STX2: variants seen among roughly 807,000 people sequenced by gnomAD.
STX2 encodes the protein syntaxin-2.
A neutral mutation model predicts 40.6 loss-of-function variants in STX2; 27 were observed. The observed-to-expected ratio is 0.66, with a 90% CI of 0.49 to 0.92. STX2 has a LOEUF of 0.92. Among genes scored for constraint, STX2 ranks in the 40% least tolerant of loss-of-function variants. STX2 has a pLI of 0.00. For missense variants in STX2, 328 were observed against 366.1 expected (o/e 0.90, Z 0.85); for synonymous variants, 123 against 119.1 (o/e 1.03, Z -0.22).
rs1479739756 is a variant in STX2, at chr12:130,839,234, G to A, written c.-135C>T. 10 of 760,650 alleles carry A rather than the reference G, an allele frequency of 1.3e-5. No individual in the cohort carries two copies. Among genetic ancestry groups the A allele is most frequent in the South Asian group, 5.9e-5 (1 of 17,038 alleles). 47.1% of individuals were successfully genotyped at this position (760,650 alleles called of 1,614,324 possible). ...GCCAGCAGCCCTCCCTGGAGCCGGC[G>A]CTGCCACGGCAACCGCGCCCCGCGC... On this transcript the variant is annotated 5_prime_UTR_variant, in exon 1 of 11. Coordinates refer to ENST00000392373, the MANE Select transcript of STX2 (RefSeq NM_194356.4).
intron 3 of STX2, among the ~76,000 whole-genome samples, chr12:130,820,019 A>C (rs1018385812): frequency 6.6e-6 from 1 of 152,232 alleles, no homozygotes; most frequent in African/African-American, 2.4e-5. Context: ...TTTTCAATTT[A>C]ATACTACTTT....
At chr12:130,796,664 A>C (rs1951038504) in intron 9 of STX2, among the ~76,000 whole-genome samples, 1 of 152,210 alleles carries the variant, frequency 6.6e-6, no homozygotes, top group South Asian at 2.1e-4. Flanking sequence ...TGGGGACAGC[A>C]CGACCAAGTC....
At chr12:130,793,857 C>CCACT (rs1345930611) in intron 10 of STX2, among the ~76,000 whole-genome samples, 2 of 152,228 alleles carry the variant, frequency 1.3e-5, no homozygotes, top group Non-Finnish European at 2.9e-5. Context: ...AGGACATTAA[C>CCACT]CACTGCCTTC....
At position 130,818,185 on chromosome 12, in the gene STX2, A is replaced by AATAT. The variant is rs1168152790; in HGVS notation, c.205+3500_205+3503dup. 3.7e-4 allele frequency among the ~76,000 whole-genome samples: 26 copies of AATAT among 70,524 alleles called. 1 individual carries two copies. Among genetic ancestry groups the AATAT allele is most frequent in the African/African-American group, 1.9e-3 (16 of 8,418 alleles). 46.3% of individuals were successfully genotyped at this position (70,524 alleles called of 152,430 possible). A position where few individuals can be genotyped will look rare whatever the true frequency, so the allele number is the denominator to read the frequency against. ...GCTGTTTCTACAAAAAAAAAAAAAA[A>AATAT]ATATATATATATATATATATATATA... On this transcript the variant is annotated intron_variant, in intron 3 of 10. Transcript: ENST00000392373.
chr12:130,814,379 C>T (rs1421873388), intron 3 of STX2, among the ~76,000 whole-genome samples: 1 of 152,116 alleles, frequency 6.6e-6, no homozygotes, highest in South Asian at 2.1e-4. Context: ...CTGCAGCTGT[C>T]CCACAGGAGG....
intron 1 of STX2, among the ~76,000 whole-genome samples, chr12:130,833,024 T>G (rs773160591): frequency 5.9e-5 from 9 of 152,334 alleles, no homozygotes; most frequent in East Asian, 1.9e-4. Context: ...TTGATTCATC[T>G]GCTCAGCTGC....
chr12:130,821,791 A>C lies in STX2; in HGVS notation c.106-3T>G. ...ATACTGTTTCTAATCTCCTCCACCT[A>C]GGAGAGAGAGAGAGTCATTACAGCA... On this transcript the variant is annotated splice_polypyrimidine_tract_variant and splice_region_variant and intron_variant, in intron 2 of 10. Transcript: ENST00000392373. The C allele has an allele frequency of 6.3e-7, 1 of 1,590,034 alleles. No individual in the cohort carries two copies. The highest frequency in any genetic ancestry group is 8.6e-7 in the Non-Finnish European group (1 of 1,158,588).
intron 8 of STX2, among the ~76,000 whole-genome samples, chr12:130,798,917 C>T (rs1191613822): frequency 6.6e-6 from 1 of 152,208 alleles, no homozygotes. Flanking sequence ...ACCTTTAACA[C>T]GCAGACACTT....
At chr12:130,814,018 T>C (rs1330300181) in intron 3 of STX2, among the ~76,000 whole-genome samples, 1 of 152,200 alleles carries the variant, frequency 6.6e-6, no homozygotes, top group Admixed American at 6.5e-5. Context: ...CCCCCTCAGC[T>C]GAGCATACGC....
chr12:130,795,135 T>C (rs781474438), intron 10 of STX2, among the ~76,000 whole-genome samples: 6 of 152,226 alleles, frequency 3.9e-5, no homozygotes, highest in East Asian at 1.9e-4. Context: ...TTAACAGGCA[T>C]GCTAACTAAA....
intron 8 of STX2, among the ~76,000 whole-genome samples, chr12:130,798,937 G>T (rs1370076021): frequency 3.3e-5 from 5 of 152,198 alleles, no homozygotes; most frequent in Non-Finnish European, 7.3e-5. Flanking sequence ...TTCGACAGAT[G>T]GGCAGGGTGA....
Position 130,791,804 on chromosome 12 carries a change from A to T in STX2, c.*219T>A. The stretch of plus-strand genomic sequence containing the variant: ...CAAGGTCAGCACTCGATGCCGGGTT[A>T]CAGCGTCTGAGATTCATTCACGAAA... On this transcript the variant is annotated 3_prime_UTR_variant, in exon 11 of 11. Transcript: ENST00000392373. The T allele has an allele frequency of 9.1e-7, 1 of 1,096,558 alleles. No individual in the cohort carries two copies. The highest frequency in any genetic ancestry group is 1.3e-5 in the South Asian group (1 of 76,544). 67.9% of individuals were successfully genotyped at this position (1,096,558 alleles called of 1,614,324 possible).
intron 3 of STX2, 63 bp downstream of exon 3, chr12:130,821,626 C>CCGCAGACAGCCAGAGGGACA: frequency 7.5e-7 from 1 of 1,338,808 alleles, no homozygotes. Flanking sequence ...GAGGCCTGTG[C>CCGCAGACAGCCAGAGGGACA]CGCAGACAGC....
Position 130,791,634 on chromosome 12 carries a change from C to G in STX2, c.*389G>C. ...TTAATATTAAAATGTTCAATATTTTCTTATTTCAAGGCCAGTGAGAGAAGT... is the reference window on the plus strand; with the variant it reads ...TTAATATTAAAATGTTCAATATTTTGTTATTTCAAGGCCAGTGAGAGAAGT... On this transcript the variant is annotated 3_prime_UTR_variant, in exon 11 of 11. Transcript: ENST00000392373. 1 of 295,598 alleles carries G rather than the reference C, an allele frequency of 3.4e-6. No individual in the cohort carries two copies. Among genetic ancestry groups the G allele is most frequent in the Non-Finnish European group, 6.2e-6 (1 of 161,022 alleles). 18.3% of individuals were successfully genotyped at this position (295,598 alleles called of 1,614,324 possible).
At chr12:130,833,333 T>A (rs1446520011) in intron 1 of STX2, among the ~76,000 whole-genome samples, 1 of 151,378 alleles carries the variant, frequency 6.6e-6, no homozygotes, top group African/African-American at 2.4e-5. Context: ...CCTCAGTGGC[T>A]CGCTCCGTCC....
chr12:130,806,814 G>A (rs1472363114), intron 6 of STX2, among the ~76,000 whole-genome samples, 168 bp downstream of exon 6: 1 of 152,232 alleles, frequency 6.6e-6, no homozygotes, highest in Non-Finnish European at 1.5e-5. Flanking sequence ...AAGACAGGAA[G>A]AACAGGTTTG....
Position 130,839,167 on chromosome 12 carries a change from G to C in STX2, c.-68C>G, listed in dbSNP as rs1165484209. 1 of 1,138,526 alleles carries C rather than the reference G, an allele frequency of 8.8e-7. No individual in the cohort carries two copies. Among genetic ancestry groups the C allele is most frequent in the South Asian group, 4.2e-5 (1 of 23,860 alleles). The allele number at this position is 1,138,526 out of a possible 1,614,324, so 70.5% of individuals were successfully genotyped here. On this transcript the variant is annotated 5_prime_UTR_variant, in exon 1 of 11. Coordinates refer to ENST00000392373, the MANE Select transcript of STX2 (RefSeq NM_194356.4). ...CGAGCTGCCTCCGGCCGGGCCTCGG[G>C]CTCTCCGGTCTCCGCCTCAGGCCCC...
chr12:130,799,808 T>G (rs1951156848), intron 8 of STX2, among the ~76,000 whole-genome samples: 2 of 50,396 alleles, frequency 4.0e-5, no homozygotes, highest in African/African-American at 1.5e-4. Flanking sequence ...AGCAAGACCC[T>G]GTCTCAAAAA....
In STX2 at chr12:130,829,138, T is replaced by G. The variant is rs548462688; in HGVS notation, c.31-1871A>C. 9.2e-5 allele frequency among the ~76,000 whole-genome samples: 14 copies of G among 152,172 alleles called. 1 individual carries two copies. The highest frequency in any genetic ancestry group is 8.5e-4 in the Admixed American group (13 of 15,290). On this transcript the variant is annotated intron_variant, in intron 1 of 10. Transcript: ENST00000392373. ...AGGTGCTGGCATCGCTATTTCAGAG[T>G]AGAACACATGCTCAATGGTTATGGT...
Sources: gnomAD v4.1 joint callset for allele counts (sites outside exome capture counted in the v4.1 genomes callset) on GRCh38, gnomAD v4.1.1 for gene constraint, MANE v1.5 for transcripts, NCBI Gene and HGNC (gene_info 2026-07-23, HGNC 2026-07-21) for gene names.